Variants in MBTPS1 observed in about 807,000 individuals in gnomAD.
The protein encoded by MBTPS1 is membrane bound transcription factor peptidase, site 1.
Under a neutral mutation model 127.8 loss-of-function variants are expected in MBTPS1, and 94 were observed. That is an observed-to-expected ratio of 0.74 (90% CI 0.62 to 0.87). MBTPS1 has a LOEUF of 0.87. Ranked by LOEUF, MBTPS1 falls within the 40% of genes least tolerant of loss-of-function variation. The pLI is 0.00. For synonymous variants in MBTPS1, 632 were observed against 509.4 expected, an observed-to-expected ratio of 1.24 and a Z score of -3.24; for missense variants, 1,636 against 1,353.2, an observed-to-expected ratio of 1.21 and a Z score of -3.28.
At chr16:84,086,026 G>C (rs2086018143) in intron 9 of MBTPS1, 1 of 152,030 alleles carries the variant, frequency 6.6e-6, no homozygotes, top group Admixed American at 6.6e-5. Flanking sequence ...TTAAGAATTG[G>C]GGCAAAACGA....
chr16:84,067,271 A>T (rs945258784), intron 16 of MBTPS1, among the ~76,000 whole-genome samples: 4 of 152,220 alleles, frequency 2.6e-5, no homozygotes, highest in Non-Finnish European at 5.9e-5. Context: ...TATTATTAAC[A>T]GTACTCATAC....
chr16:84,067,687 C>T lies in MBTPS1; in HGVS notation c.2208G>A (p.Lys736=), dbSNP rs147182377. ...AGTACCTTGTGTTTTCATCATAAAA[C>T]TTCACTTTTCTCATAACAGAAGTGT... The part of the protein sequence containing the change: ...WYNTSVMRKV[K]FYDENTRQWW... Residue 736 remains lysine (K), a synonymous_variant, in exon 16 of 23, where the codon AAG becomes AAA. Coordinates refer to ENST00000343411, the MANE Select transcript of MBTPS1 (RefSeq NM_003791.4). 3.7e-6 allele frequency: 6 copies of T among 1,613,282 alleles called. No individual in the cohort carries two copies. In the Middle Eastern group the frequency reaches 4.9e-4, roughly 133 times the overall value.
At chr16:84,090,807 A>G in intron 8 of MBTPS1, 68 bp downstream of exon 8, 1 of 1,117,726 alleles carries the variant, frequency 8.9e-7, no homozygotes, top group Non-Finnish European at 1.4e-6. Flanking sequence ...ATACACAAAC[A>G]GATAACAATT....
At chr16:84,099,814 C>T (rs996951634) in intron 2 of MBTPS1, among the ~76,000 whole-genome samples, 1 of 151,548 alleles carries the variant, frequency 6.6e-6, no homozygotes, top group African/African-American at 2.4e-5. Context: ...ATCACCTAAC[C>T]ACAAAGAATA....
At chr16:84,077,234 G>GC (rs1417149620) in intron 11 of MBTPS1, among the ~76,000 whole-genome samples, 3 of 100,276 alleles carry the variant, frequency 3.0e-5, no homozygotes, top group Non-Finnish European at 6.0e-5. Context: ...CATTAAAAAA[G>GC]AAAAAAAAAA....
At chr16:84,103,548 G>A (rs925922938) in intron 1 of MBTPS1, among the ~76,000 whole-genome samples, 1 of 151,998 alleles carries the variant, frequency 6.6e-6, no homozygotes, top group African/African-American at 2.4e-5. Context: ...CGCCATGTCC[G>A]CCCACTACTT....
chr16:84,111,171 G>A (rs1249945015), intron 1 of MBTPS1, among the ~76,000 whole-genome samples: 1 of 151,786 alleles, frequency 6.6e-6, no homozygotes, highest in Non-Finnish European at 1.5e-5. Context: ...ATCCAGGTGG[G>A]CCAGGTGTCA....
intron 11 of MBTPS1, among the ~76,000 whole-genome samples, chr16:84,080,771 G>A (rs183422578): frequency 8.5e-5 from 13 of 152,280 alleles, no homozygotes; most frequent in Non-Finnish European, 1.0e-4. Context: ...CTAACTTTTC[G>A]GTGTCAGATC....
Position 84,067,808 on chromosome 16 carries a change from A to C in MBTPS1, c.2087T>G (p.Val696Gly). The part of the protein sequence containing the change: ...DASQYGTLLM[V>G]DSEEEYFPEE... The stretch of plus-strand genomic sequence containing the variant: ...AGGGAAGTACTCCTCCTCACTGTCC[A>C]CCATCAGCAAAGTGCCTGATGAACA... The change falls in exon 16 of 23, where the codon GTG (valine) becomes GGG (glycine). Residue 696 changes from valine (V) to glycine (G), a missense_variant. Coordinates refer to ENST00000343411, the MANE Select transcript of MBTPS1 (RefSeq NM_003791.4). The C allele has an allele frequency of 1.9e-6, 3 of 1,607,660 alleles. No individual in the cohort carries two copies. The highest frequency in any genetic ancestry group is 2.6e-6 in the Non-Finnish European group (3 of 1,174,894).
In MBTPS1 at chr16:84,103,431, G is replaced by C. The variant is rs148790353; in HGVS notation, c.-324-1324C>G. On this transcript the variant is annotated intron_variant, in intron 1 of 22. Transcript: ENST00000343411. ...GCATCACCACACCCAGCTAATTTTT[G>C]GATTTTAATATAGAGAAGCAGTCTC... Among the ~76,000 whole-genome samples the C allele has an allele frequency of 8.9e-3, 1,351 of 151,790 alleles. 15 individuals are homozygous for C. The highest frequency in any genetic ancestry group is 0.014 in the Non-Finnish European group (928 of 67,928).
In MBTPS1 at chr16:84,070,513, G is replaced by A. The variant is rs1374767172; in HGVS notation, c.1782+75C>T. Reference sequence around the variant, plus strand: ...ACTGTACTTCCAATGGAGACCCCAGGCATTTGGCCTGTCCCTCCCTGAAAG... The same window carrying A: ...ACTGTACTTCCAATGGAGACCCCAGACATTTGGCCTGTCCCTCCCTGAAAG... On this transcript the variant is annotated intron_variant, in intron 13 of 22. Coordinates refer to ENST00000343411, the MANE Select transcript of MBTPS1 (RefSeq NM_003791.4). 2.8e-6 allele frequency: 4 copies of A among 1,434,022 alleles called. No individual in the cohort carries two copies. In the East Asian group the frequency reaches 6.8e-5, roughly 24 times the overall value. 88.8% of individuals were successfully genotyped at this position (1,434,022 alleles called of 1,614,324 possible).
chr16:84,071,706 A>T (rs2085771910), intron 12 of MBTPS1: 1 of 151,322 alleles, frequency 6.6e-6, no homozygotes, highest in African/African-American at 2.4e-5. Flanking sequence ...AATAAAAGTC[A>T]CAAAACATAA....
At chr16:84,105,065 G>C (rs995824858) in intron 1 of MBTPS1, among the ~76,000 whole-genome samples, 1 of 151,478 alleles carries the variant, frequency 6.6e-6, no homozygotes, top group East Asian at 1.9e-4. Context: ...TTGGGACACT[G>C]CAGCAGTCCC....
At chr16:84,058,826 G>A (rs936657205) in intron 21 of MBTPS1, among the ~76,000 whole-genome samples, 2 of 152,156 alleles carry the variant, frequency 1.3e-5, no homozygotes, top group African/African-American at 2.4e-5. Context: ...CATCGGAGGC[G>A]GGTGCTTTCA....
At chr16:84,102,185 T>C (rs1299246171) in intron 1 of MBTPS1, 78 bp from the exon 2 acceptor site, 1 of 155,394 alleles carries the variant, frequency 6.4e-6, no homozygotes, top group East Asian at 1.9e-4. Flanking sequence ...GTATTTATAA[T>C]TTAAGCAAGT....
intron 11 of MBTPS1, chr16:84,075,348 T>A (rs2085839512): frequency 6.6e-6 from 1 of 152,256 alleles, no homozygotes; most frequent in Non-Finnish European, 1.5e-5. Flanking sequence ...CTGACATAAT[T>A]TGTGTCAGAA....
intron 1 of MBTPS1, among the ~76,000 whole-genome samples, chr16:84,110,535 A>G (rs2086383846): frequency 6.6e-6 from 1 of 152,256 alleles, no homozygotes; most frequent in African/African-American, 2.4e-5. Context: ...AAAAATGAAC[A>G]TTAAAAACTT....
chr16:84,081,051 C>A (rs2085933028), intron 11 of MBTPS1, among the ~76,000 whole-genome samples: 1 of 152,182 alleles, frequency 6.6e-6, no homozygotes, highest in African/African-American at 2.4e-5. Flanking sequence ...AGAGAATGGA[C>A]CTGTGGGACA....
chr16:84,100,829 A>G (rs1222321121), intron 2 of MBTPS1, among the ~76,000 whole-genome samples: 4 of 151,932 alleles, frequency 2.6e-5, no homozygotes, highest in Non-Finnish European at 5.9e-5. Context: ...CAAAGTTAAC[A>G]TTCATGTGCT....
Sources: allele counts gnomAD v4.1 joint callset (sites outside exome capture counted in the v4.1 genomes callset), GRCh38; gene constraint gnomAD v4.1.1; transcripts MANE v1.5; gene names NCBI Gene and HGNC (gene_info 2026-07-23, HGNC 2026-07-21).